ZNF415: variants seen among roughly 807,000 people sequenced by gnomAD.
The protein encoded by ZNF415 is zinc finger protein 415.
ZNF415 carries 5 observed loss-of-function variants against 7.3 expected under a neutral mutation model. That is an observed-to-expected ratio of 0.69 (90% confidence interval 0.36 to 1.44). ZNF415 has a LOEUF of 1.44. Among genes scored for constraint, ZNF415 ranks in the 40% most tolerant of loss-of-function variants. The probability of loss-of-function intolerance (pLI) is 0.04; values close to 1 mark genes in which losing one functional copy is unlikely to be tolerated. For synonymous variants in ZNF415, 207 were observed against 226.3 expected (o/e 0.91, Z 0.77); for missense variants, 628 against 664.8 (o/e 0.94, Z 0.61).
intron 2 of ZNF415, among the ~76,000 whole-genome samples, chr19:53,118,066 T>C (rs149015416): frequency 1.3e-3 from 201 of 152,140 alleles, no homozygotes; most frequent in African/African-American, 4.6e-3. Flanking sequence ...TTTAAGAAAC[T>C]CATGTCAATG....
At chr19:53,126,708 G>A (rs1265366169) in intron 1 of ZNF415, among the ~76,000 whole-genome samples, 1 of 126,386 alleles carries the variant, frequency 7.9e-6, no homozygotes, top group African/African-American at 2.6e-5. Context: ...TGTGTTGGGT[G>A]GACAGAAAGA....
At chr19:53,111,346 T>TTC (rs1475954453) in intron 3 of ZNF415, among the ~76,000 whole-genome samples, 1 of 147,516 alleles carries the variant, frequency 6.8e-6, no homozygotes, top group Non-Finnish European at 1.5e-5. Flanking sequence ...ATTTCTTTTT[T>TTC]TTTTTTTTTT....
At chr19:53,123,448 C>A in intron 1 of ZNF415, 1 of 397,620 alleles carries the variant, frequency 2.5e-6, no homozygotes, top group Non-Finnish European at 4.4e-6. Context: ...CAGAAGTCCC[C>A]GCTGAGAAGG....
rs542578285 is a variant in ZNF415, at chr19:53,120,851, C to T, written c.15+1811G>A. On this transcript the variant is annotated intron_variant, in intron 2 of 3. Coordinates refer to ENST00000243643, the MANE Select transcript of ZNF415 (RefSeq NM_018355.4). ...CTCTAATCCCAGCACTTTGGGAGGC[C>T]GAGGTGGATGGATCACGAGGTCAGG... 6.1e-4 allele frequency among the ~76,000 whole-genome samples: 92 copies of T among 151,910 alleles called. 2 individuals carry two copies. The highest frequency in any genetic ancestry group is 6.2e-4 in the South Asian group (3 of 4,802).
At chr19:53,126,711 C>T (rs1217201469) in intron 1 of ZNF415, among the ~76,000 whole-genome samples, 1 of 126,064 alleles carries the variant, frequency 7.9e-6, no homozygotes, top group African/African-American at 2.7e-5. Flanking sequence ...GTTGGGTGGA[C>T]AGAAAGACTC....
chr19:53,116,581 A>T, intron 2 of ZNF415, 148 bp from the exon 3 acceptor site: 1 of 1,030,354 alleles, frequency 9.7e-7, no homozygotes, highest in South Asian at 1.6e-5. Flanking sequence ...TTTTGAGTAC[A>T]TATCTCTCCC....
chr19:53,114,224 T>C (rs1001452506), intron 3 of ZNF415, among the ~76,000 whole-genome samples: 1 of 152,188 alleles, frequency 6.6e-6, no homozygotes, highest in East Asian at 1.9e-4. Context: ...TTACTCAGGC[T>C]GTAGTGCAGC....
At chr19:53,122,075 CG>C (rs200376740) in intron 2 of ZNF415, among the ~76,000 whole-genome samples, 2,309 of 151,776 alleles carry the variant, frequency 0.015, 32 homozygotes, top group South Asian at 0.05. Flanking sequence ...AGAGAAACCC[CG>C]TCTCTATTAA....
At chr19:53,116,504 G>A in intron 2 of ZNF415, 71 bp from the exon 3 acceptor site, 1 of 1,583,048 alleles carries the variant, frequency 6.3e-7, no homozygotes. Flanking sequence ...CACAAAATAA[G>A]AATAAAAGAG....
chr19:53,115,053 C>T (rs537774727), intron 3 of ZNF415, among the ~76,000 whole-genome samples: 56 of 152,018 alleles, frequency 3.7e-4, no homozygotes, highest in African/African-American at 4.8e-4. Flanking sequence ...CAGGAGAGAC[C>T]GGCCGGGCGC....
intron 2 of ZNF415, among the ~76,000 whole-genome samples, chr19:53,117,574 G>C (rs538170095): frequency 2.6e-5 from 4 of 151,998 alleles, no homozygotes; most frequent in African/African-American, 9.6e-5. Flanking sequence ...AGAATGGTAT[G>C]ATACATTAAA....
intron 3 of ZNF415, among the ~76,000 whole-genome samples, chr19:53,111,165 G>C (rs576441398): frequency 1.1e-4 from 16 of 151,958 alleles, no homozygotes; most frequent in Non-Finnish European, 1.6e-4. Context: ...TAGGATTAAT[G>C]CCCTTACAGG....
chr19:53,128,921 T>A (rs73601432), intron 1 of ZNF415, among the ~76,000 whole-genome samples: 1 of 105,684 alleles, frequency 9.5e-6, no homozygotes, highest in Non-Finnish European at 2.2e-5. Context: ...TGTCCTCCAA[T>A]GGAGGGAGAC....
chr19:53,130,310 C>T (rs1601352888), intron 1 of ZNF415, among the ~76,000 whole-genome samples: 1 of 151,982 alleles, frequency 6.6e-6, no homozygotes, highest in East Asian at 1.9e-4. Context: ...CTAAAATTAC[C>T]TACTAGTCAA....
At chr19:53,122,144 G>A (rs575700808) in intron 2 of ZNF415, among the ~76,000 whole-genome samples, 10 of 152,180 alleles carry the variant, frequency 6.6e-5, no homozygotes, top group South Asian at 6.2e-4. Context: ...TACTCGGGAC[G>A]CTGAGGCAGG....
At chr19:53,116,522 GTATAGA>G in intron 2 of ZNF415, 89 bp from the exon 3 acceptor site, 1 of 1,541,944 alleles carries the variant, frequency 6.5e-7, no homozygotes, top group Non-Finnish European at 8.9e-7. Context: ...GAGAATTTAA[GTATAGA>G]TTTAATTGAA....
intron 1 of ZNF415, among the ~76,000 whole-genome samples, chr19:53,125,083 C>T (rs140497025): frequency 0.011 from 1,732 of 151,954 alleles, 16 homozygotes; most frequent in Middle Eastern, 0.017. Flanking sequence ...CTCACTCTGT[C>T]ACCAGGTTGG....
chr19:53,109,419 G>A lies in ZNF415; in HGVS notation c.626C>T (p.Ser209Leu). Residue 209 changes from serine (S) to leucine (L), a missense_variant, in exon 4 of 4, where the codon TCA (serine) becomes TTA (leucine). Coordinates refer to ENST00000243643, the MANE Select transcript of ZNF415 (RefSeq NM_018355.4). ...TCTGTAAGGTTTTTCCCTAATGCAT[G>A]ATTTCTGTTCTTGTGTGAGTAATGA... ...CSSLLTQEQK[S>L]CIREKPYRYI... 6.2e-7 allele frequency: 1 copy of A among 1,614,094 alleles called. No homozygotes were observed. The highest frequency in any genetic ancestry group is 1.1e-5 in the South Asian group (1 of 91,074).
At chr19:53,126,019 A>C (rs894231642) in intron 1 of ZNF415, among the ~76,000 whole-genome samples, 127 of 54,738 alleles carry the variant, frequency 2.3e-3, no homozygotes, top group Non-Finnish European at 4.3e-3. Context: ...TGGTGTAGAC[A>C]AAAAAAAAAA....
Sources: allele counts gnomAD v4.1 joint callset (sites outside exome capture counted in the v4.1 genomes callset), GRCh38; gene constraint gnomAD v4.1.1; transcripts MANE v1.5; gene names NCBI Gene and HGNC (gene_info 2026-07-23, HGNC 2026-07-21).